The following TBCK variants were observed in gnomAD, a reference collection of about 807,000 sequenced individuals.
TBCK encodes TBC domain-containing protein kinase-like protein.
A neutral mutation model predicts 113.4 loss-of-function variants in TBCK; 99 were observed. That is an observed-to-expected ratio of 0.87 (90% CI 0.74 to 1.03). The LOEUF is 1.03. Among genes scored for constraint, TBCK ranks in the 50% least tolerant of loss-of-function variants. The probability of loss-of-function intolerance (pLI) is 0.00; values close to 1 mark genes in which losing one functional copy is unlikely to be tolerated. For synonymous variants in TBCK, 369 were observed against 370.8 expected, an observed-to-expected ratio of 1.00 and a Z score of 0.05; for missense variants, 1,045 against 1,061.3, an observed-to-expected ratio of 0.98 and a Z score of 0.21.
At chr4:106,150,769 G>A (rs1274488492) in intron 23 of TBCK, among the ~76,000 whole-genome samples, 1 of 152,118 alleles carries the variant, frequency 6.6e-6, no homozygotes, top group Non-Finnish European at 1.5e-5. Flanking sequence ...AGACAAAGTA[G>A]AAAGAGCTAG....
rs542191498 is a variant in TBCK at position 106,128,193 on chromosome 4, A to G, written c.2236-11815T>C. Among the ~76,000 whole-genome samples the G allele has an allele frequency of 6.6e-5, 10 of 152,354 alleles. No homozygotes were observed. The East Asian group carries it at 1.7e-3, about 26-fold the overall frequency. On this transcript the variant is annotated intron_variant, in intron 23 of 25. Coordinates refer to ENST00000394708, the MANE Select transcript of TBCK (RefSeq NM_001163435.3). ...AGGATACAAATATGTAATCAACACTATAAGTTACATAAGGCCAGATGTGAT... is the reference window on the plus strand; with the variant it reads ...AGGATACAAATATGTAATCAACACTGTAAGTTACATAAGGCCAGATGTGAT...
intron 19 of TBCK, among the ~76,000 whole-genome samples, chr4:106,224,564 C>T (rs1018074542): frequency 2.0e-5 from 3 of 152,056 alleles, no homozygotes; most frequent in Non-Finnish European, 4.4e-5. Flanking sequence ...AAGAGAAACA[C>T]AGTAACAAAG....
intron 3 of TBCK, among the ~76,000 whole-genome samples, chr4:106,290,398 G>A (rs893177930): frequency 1.3e-5 from 2 of 151,972 alleles, no homozygotes; most frequent in Non-Finnish European, 2.9e-5. Context: ...AGATGGTCTC[G>A]ATCTCCTGAC....
intron 22 of TBCK, among the ~76,000 whole-genome samples, chr4:106,193,151 A>T (rs1444530137): frequency 1.3e-5 from 2 of 152,176 alleles, no homozygotes. Context: ...TCCTCCCAAG[A>T]GGGCAGTATT....
At chr4:106,072,446 A>G (rs1737584373) in intron 25 of TBCK, among the ~76,000 whole-genome samples, 1 of 151,848 alleles carries the variant, frequency 6.6e-6, no homozygotes, top group African/African-American at 2.4e-5. Flanking sequence ...TGGCTGGTAG[A>G]GTGTCTGCCG....
At chr4:106,225,382 G>A (rs1579310842) in intron 19 of TBCK, among the ~76,000 whole-genome samples, 1 of 152,046 alleles carries the variant, frequency 6.6e-6, no homozygotes, top group African/African-American at 2.4e-5. Context: ...ATTGTTGAGA[G>A]GTCTTTTAAT....
At chr4:106,242,680 C>A in intron 11 of TBCK, 111 bp from the exon 12 acceptor site, 1 of 597,882 alleles carries the variant, frequency 1.7e-6, no homozygotes, top group African/African-American at 1.9e-5. Flanking sequence ...AAGAATTAAA[C>A]TTTAGACTGG....
chr4:106,251,807 A>G (rs1330940464), intron 6 of TBCK, 59 bp downstream of exon 6: 2 of 1,375,390 alleles, frequency 1.5e-6, no homozygotes, highest in Non-Finnish European at 1.9e-6. Context: ...CCTCTCCAAA[A>G]GATTATTCCA....
chr4:106,116,459 A>G, intron 23 of TBCK, 81 bp from the exon 24 acceptor site: 1 of 1,106,228 alleles, frequency 9.0e-7, no homozygotes, highest in Non-Finnish European at 1.3e-6. Context: ...ATATCTTGAT[A>G]CCAAACAATA....
chr4:106,275,596 T>C (rs564921885), intron 3 of TBCK, among the ~76,000 whole-genome samples: 11 of 152,118 alleles, frequency 7.2e-5, no homozygotes, highest in Non-Finnish European at 1.2e-4. Flanking sequence ...AGAGAAAGTG[T>C]CAATATAAAA....
intron 23 of TBCK, among the ~76,000 whole-genome samples, chr4:106,154,227 GT>G (rs1353383465): frequency 2.0e-5 from 3 of 151,852 alleles, no homozygotes; most frequent in African/African-American, 7.3e-5. Flanking sequence ...TCTGTGGTGT[GT>G]TTTTTGATTT....
At chr4:106,279,172 T>A (rs1012083410) in intron 3 of TBCK, among the ~76,000 whole-genome samples, 1 of 152,174 alleles carries the variant, frequency 6.6e-6, no homozygotes, top group Non-Finnish European at 1.5e-5. Context: ...TAATTACTAA[T>A]CTCCTACCTG....
intron 20 of TBCK, among the ~76,000 whole-genome samples, chr4:106,203,905 G>A (rs1413597992): frequency 6.6e-6 from 1 of 152,036 alleles, no homozygotes; most frequent in Non-Finnish European, 1.5e-5. Context: ...AATTCAAAGT[G>A]GCAGAAAATC....
intron 25 of TBCK, among the ~76,000 whole-genome samples, chr4:106,081,648 C>T (rs1158097388): frequency 6.6e-6 from 1 of 150,928 alleles, no homozygotes; most frequent in Admixed American, 6.6e-5. Context: ...ACCTGCACAT[C>T]CTGTATGTAA....
At chr4:106,261,998 A>T (rs1762551034) in intron 4 of TBCK, 100 bp downstream of exon 4, 1 of 533,280 alleles carries the variant, frequency 1.9e-6, no homozygotes, top group Non-Finnish European at 3.1e-6. Flanking sequence ...TTCTTAAAAC[A>T]TATTCTGATT....
chr4:106,115,628 A>T (rs1363412755), intron 24 of TBCK, among the ~76,000 whole-genome samples: 2 of 152,214 alleles, frequency 1.3e-5, no homozygotes, highest in African/African-American at 4.8e-5. Context: ...ATCTGAAGAT[A>T]ATGAAAATAG....
At chr4:106,226,785 C>T (rs546351530) in intron 19 of TBCK, among the ~76,000 whole-genome samples, 7 of 152,124 alleles carry the variant, frequency 4.6e-5, no homozygotes, top group Admixed American at 3.9e-4. Flanking sequence ...ACTCATTTTT[C>T]TATTAACTGA....
At chr4:106,166,910 A>C (rs760940079) in intron 23 of TBCK, among the ~76,000 whole-genome samples, 8 of 151,218 alleles carry the variant, frequency 5.3e-5, no homozygotes, top group Non-Finnish European at 1.2e-4. Flanking sequence ...TAATTGTCTC[A>C]ATAAAGAGTA....
rs1227591216 is a variant in TBCK, at chr4:106,044,019, T to C, written c.*2551A>G. On this transcript the variant is annotated 3_prime_UTR_variant, in exon 26 of 26. Transcript: ENST00000394708. ...TGTTGAGAATATTAAATATTATAATTTTCATGTTTAAAAAACTTCAATTTC... is the reference window on the plus strand; with the variant it reads ...TGTTGAGAATATTAAATATTATAATCTTCATGTTTAAAAAACTTCAATTTC... 1 of 152,228 alleles carries C rather than the reference T, an allele frequency of 6.6e-6. No individual in the cohort carries two copies. Among genetic ancestry groups the C allele is most frequent in the East Asian group, 1.9e-4 (1 of 5,204 alleles). 9.4% of individuals were successfully genotyped at this position (152,228 alleles called of 1,614,324 possible). A position where few individuals can be genotyped will look rare whatever the true frequency, so the allele number is the denominator to read the frequency against.
Sources: allele counts gnomAD v4.1 joint callset (sites outside exome capture counted in the v4.1 genomes callset), GRCh38; gene constraint gnomAD v4.1.1; transcripts MANE v1.5; gene names NCBI Gene and HGNC (gene_info 2026-07-23, HGNC 2026-07-21).